RAB11FIP1: variants seen among roughly 807,000 people sequenced by gnomAD.
RAB11FIP1 encodes RAB11 family interacting protein 1, also known as rab11 family-interacting protein 1.
A neutral mutation model predicts 83.1 loss-of-function variants in RAB11FIP1; 49 were observed. That is an observed-to-expected ratio of 0.59 (90% CI 0.47 to 0.75). The LOEUF (loss-of-function observed/expected upper bound fraction) is 0.75, where lower values mean the gene tolerates loss of function less well. Ranked by LOEUF, RAB11FIP1 falls within the 30% of genes least tolerant of loss-of-function variation. The pLI is 0.00. For missense variants in RAB11FIP1, 1,536 were observed against 1,598.7 expected (o/e 0.96, Z 0.67); for synonymous variants, 670 against 656.0 (o/e 1.02, Z -0.33).
At chr8:37,882,203 T>C (rs888090539) in intron 1 of RAB11FIP1, among the ~76,000 whole-genome samples, 10 of 152,180 alleles carry the variant, frequency 6.6e-5, no homozygotes, top group Non-Finnish European at 1.5e-4. Context: ...CCAAAGCAGC[T>C]GTCAGAGGCA....
chr8:37,884,578 TTGCTCTGTTGC>T (rs1806789976), intron 1 of RAB11FIP1, among the ~76,000 whole-genome samples: 2 of 150,464 alleles, frequency 1.3e-5, no homozygotes, highest in African/African-American at 4.9e-5. Context: ...TGAGACAGTC[TTGCTCTGTTGC>T]CCAGGCTGGA....
At chr8:37,884,108 A>T (rs756326966) in intron 1 of RAB11FIP1, among the ~76,000 whole-genome samples, 4 of 151,966 alleles carry the variant, frequency 2.6e-5, no homozygotes, top group Non-Finnish European at 5.9e-5. Context: ...TCTATTGCCC[A>T]GGCTGGAGTA....
At chr8:37,871,205 C>A in intron 4 of RAB11FIP1, 73 bp downstream of exon 4, 2 of 1,521,028 alleles carry the variant, frequency 1.3e-6, no homozygotes, top group Admixed American at 2.2e-5. Context: ...GTTAGAAAGC[C>A]GTAACCTCTG....
Position 37,861,920 on chromosome 8 carries a change from G to A in RAB11FIP1, c.*975C>T, listed in dbSNP as rs148898575. On this transcript the variant is annotated 3_prime_UTR_variant, in exon 6 of 6. Transcript: ENST00000330843. ...GGCTTCTTCATCTTGGGGAGTTGGT[G>A]GACCCTGTCTCTGCCCCTTACAAGG... 12 of 231,086 alleles carry A rather than the reference G, an allele frequency of 5.2e-5. No homozygotes were observed. Among genetic ancestry groups the A allele is most frequent in the African/African-American group, 2.8e-4 (12 of 42,384 alleles). The allele number at this position is 231,086 out of a possible 1,614,324, so 14.3% of individuals were successfully genotyped here. A position where few individuals can be genotyped will look rare whatever the true frequency, so the allele number is the denominator to read the frequency against.
chr8:37,895,259 A>ATTT lies in RAB11FIP1; in HGVS notation c.371+3809_371+3811dup, dbSNP rs71216637. On this transcript the variant is annotated intron_variant, in intron 1 of 5. Transcript: ENST00000330843. ...TATATATATATATATATATATATAT[A>ATTT]TTTTTTTTTTTTTTTTTTTTTTTTT... is the stretch of plus-strand genomic sequence containing the variant. Among the ~76,000 whole-genome samples the ATTT allele has an allele frequency of 2.7e-4, 2 of 7,388 alleles. 1 individual carries two copies. The highest frequency in any genetic ancestry group is 4.3e-4 in the Non-Finnish European group (2 of 4,698). 4.8% of individuals were successfully genotyped at this position (7,388 alleles called of 152,430 possible).
Position 37,877,424 on chromosome 8 carries a change from G to A in RAB11FIP1, c.499C>T (p.Arg167Trp), listed in dbSNP as rs765556342. The part of the protein sequence containing the change: ...MFDLSMKDKS[R>W]NPFGKLKDKI... ...TCCTTCAGCTTTCCAAATGGATTCC[G>A]AGACTTGTCTTTCATAGAAAGGTCA... Residue 167 changes from arginine (R) to tryptophan (W), a missense_variant, in exon 2 of 6, where the codon CGG (arginine) becomes TGG (tryptophan). Physicochemically the swap from Arg to Trp is moderately radical, Grantham distance 101. Transcript: ENST00000330843. 15 of 1,613,872 alleles carry A rather than the reference G, an allele frequency of 9.3e-6. No homozygotes were observed. Among genetic ancestry groups the A allele is most frequent in the East Asian group, 6.7e-5 (3 of 44,892 alleles).
At chr8:37,864,879 T>C (rs1345812600) in intron 5 of RAB11FIP1, among the ~76,000 whole-genome samples, 1 of 152,082 alleles carries the variant, frequency 6.6e-6, no homozygotes, top group Non-Finnish European at 1.5e-5. Context: ...GTCGCAAGTC[T>C]GGAAAAGAGC....
In RAB11FIP1 at chr8:37,877,291, T is replaced by C. The variant is rs1806636955; in HGVS notation, c.632A>G (p.Lys211Arg). Residue 211 changes from lysine (K) to arginine (R), a missense_variant, in exon 2 of 6, where the codon AAG (lysine) becomes AGG (arginine). Physicochemically the swap from Lys to Arg is conservative, Grantham distance 26 (BLOSUM62 2). Coordinates refer to ENST00000330843, the MANE Select transcript of RAB11FIP1 (RefSeq NM_001002814.3). ...DSDDESVVKD[K>R]KKKSKIKTLL... ...GGTCTTGATCTTTGATTTCTTTTTC[T>C]TGTCTTTAACCACAGACTCATCATC... is the stretch of plus-strand genomic sequence containing the variant. 6.2e-7 allele frequency: 1 copy of C among 1,614,084 alleles called. No homozygotes were observed. Among genetic ancestry groups the C allele is most frequent in the African/African-American group, 1.3e-5 (1 of 74,924 alleles).
At chr8:37,865,159 T>C (rs1806318227) in intron 5 of RAB11FIP1, among the ~76,000 whole-genome samples, 1 of 152,114 alleles carries the variant, frequency 6.6e-6, no homozygotes, top group Non-Finnish European at 1.5e-5. Flanking sequence ...CTCTGTCATA[T>C]AAGGATCTTA....
intron 1 of RAB11FIP1, among the ~76,000 whole-genome samples, chr8:37,891,434 T>C (rs1806944741): frequency 6.6e-6 from 1 of 152,230 alleles, no homozygotes; most frequent in African/African-American, 2.4e-5. Flanking sequence ...TCTTAATGGA[T>C]GTCTAAGATT....
chr8:37,871,510 G>A lies in RAB11FIP1; in HGVS notation c.3292C>T (p.Pro1098Ser). ...GTSLDNPVPS[P>S]SPSEIFPVTH... Reference sequence around the variant, plus strand: ...ACAGGAAAGATCTCAGAAGGGGAGGGGCTGGGTACAGGATTGTCCAGGGAT... The same window carrying A: ...ACAGGAAAGATCTCAGAAGGGGAGGAGCTGGGTACAGGATTGTCCAGGGAT... Residue 1098 changes from proline to serine, a missense_variant, in exon 4 of 6, where the codon CCC becomes TCC. Physicochemically the swap from Pro to Ser is moderately conservative, Grantham distance 74 (BLOSUM62 -1). Transcript: ENST00000330843. The A allele has an allele frequency of 1.2e-6, 2 of 1,612,204 alleles. No individual in the cohort carries two copies. Among genetic ancestry groups the A allele is most frequent in the Non-Finnish European group, 1.7e-6 (2 of 1,179,082 alleles).
Position 37,873,069 on chromosome 8 carries a change from G to T in RAB11FIP1, c.1733C>A (p.Ser578Tyr), listed in dbSNP as rs1277423738. Residue 578 changes from serine (S) to tyrosine (Y), a missense_variant, in exon 4 of 6, where the codon TCT (serine) becomes TAT (tyrosine). Ser to Tyr is a moderately radical substitution (Grantham distance 144). Coordinates refer to ENST00000330843, the MANE Select transcript of RAB11FIP1 (RefSeq NM_001002814.3). ...TGTGTCTGCACCATGTCCCAATTCA[G>T]AGGGGACAGATGCCTGGCCAGAGCT... ...PSSSGQASVP[S>Y]ELGHGADTQS... is the part of the protein sequence containing the mutation. 2 of 1,614,118 alleles carry T rather than the reference G, an allele frequency of 1.2e-6. No homozygotes were observed. Among genetic ancestry groups the T allele is most frequent in the Non-Finnish European group, 1.7e-6 (2 of 1,180,006 alleles).
In RAB11FIP1 at chr8:37,871,663, T is replaced by C. The variant is rs769590347; in HGVS notation, c.3139A>G (p.Thr1047Ala). 1 of 1,613,310 alleles carries C rather than the reference T, an allele frequency of 6.2e-7. No homozygotes were observed. Among genetic ancestry groups the C allele is most frequent in the South Asian group, 1.1e-5 (1 of 91,076 alleles). ...ASVTAPSEQT[T>A]EFGIHKPHLG... is the part of the protein sequence containing the mutation. ...TGTGGTTTGTGAATTCCGAACTCTGTGGTCTGCTCTGAAGGAGCTGTCACA... is the reference window on the plus strand; with the variant it reads ...TGTGGTTTGTGAATTCCGAACTCTGCGGTCTGCTCTGAAGGAGCTGTCACA... Residue 1047 changes from threonine to alanine, a missense_variant, in exon 4 of 6, where the codon ACA (threonine) becomes GCA (alanine). Physicochemically the swap from Thr to Ala is moderately conservative, Grantham distance 58. Transcript: ENST00000330843.
chr8:37,874,018 C>T (rs747530405), intron 3 of RAB11FIP1, among the ~76,000 whole-genome samples: 4 of 152,182 alleles, frequency 2.6e-5, no homozygotes, highest in African/African-American at 2.4e-5. Flanking sequence ...AGGCTTATGC[C>T]GGCTCTTACA....
At chr8:37,890,773 CAAAAAAAAA>C (rs35503716) in intron 1 of RAB11FIP1, among the ~76,000 whole-genome samples, 1 of 77,820 alleles carries the variant, frequency 1.3e-5, no homozygotes, top group African/African-American at 4.6e-5. Context: ...AAAATTCTGC[CAAAAAAAAA>C]AAAAAAAGAA....
Position 37,873,076 on chromosome 8 carries a change from C to A in RAB11FIP1, c.1726G>T (p.Val576Phe). Residue 576 changes from valine to phenylalanine, a missense_variant, in exon 4 of 6, where the codon GTC (valine) becomes TTC (phenylalanine). Transcript: ENST00000330843. ...GCACCATGTCCCAATTCAGAGGGGACAGATGCCTGGCCAGAGCTAGAAGGA... is the reference window on the plus strand; with the variant it reads ...GCACCATGTCCCAATTCAGAGGGGAAAGATGCCTGGCCAGAGCTAGAAGGA... ...PLPSSSGQAS[V>F]PSELGHGADT... is the part of the protein sequence containing the mutation. The A allele has an allele frequency of 6.2e-7, 1 of 1,614,018 alleles. No homozygotes were observed. Among genetic ancestry groups the A allele is most frequent in the Non-Finnish European group, 8.5e-7 (1 of 1,180,020 alleles).
At chr8:37,879,548 A>G (rs1426725529) in intron 1 of RAB11FIP1, among the ~76,000 whole-genome samples, 1 of 152,118 alleles carries the variant, frequency 6.6e-6, no homozygotes, top group Admixed American at 6.5e-5. Flanking sequence ...TCACACAACA[A>G]TGTGAATATT....
intron 1 of RAB11FIP1, among the ~76,000 whole-genome samples, chr8:37,894,725 T>TATATATATAC (rs1554533305): frequency 6.3e-5 from 9 of 143,542 alleles, no homozygotes; most frequent in African/African-American, 2.4e-4. Flanking sequence ...TATATATACA[T>TATATATATAC]ATATATATAT....
At chr8:37,873,666 C>T (rs745706231) in intron 3 of RAB11FIP1, among the ~76,000 whole-genome samples, 2 of 151,968 alleles carry the variant, frequency 1.3e-5, no homozygotes, top group Non-Finnish European at 2.9e-5. Flanking sequence ...CCAAGCAGAT[C>T]CGTCACACAA....
Sources: allele counts gnomAD v4.1 joint callset (sites outside exome capture counted in the v4.1 genomes callset), GRCh38; gene constraint gnomAD v4.1.1; transcripts MANE v1.5; gene names NCBI Gene and HGNC (gene_info 2026-07-23, HGNC 2026-07-21).